Variants in TRDN observed in about 807,000 individuals in gnomAD.
TRDN encodes triadin in skeletal muscle.
In TRDN, 161 loss-of-function variants were observed where a neutral mutation model predicts 149.7. The ratio of observed to expected loss-of-function variants is 1.08; its 90% CI spans 0.95 to 1.23. TRDN has a LOEUF of 1.23. Among genes scored for constraint, TRDN ranks in the 50% most tolerant of loss-of-function variants. The pLI, the probability that TRDN is intolerant of heterozygous loss-of-function variation, is 0.00. For missense variants in TRDN, 896 were observed against 823.5 expected, an observed-to-expected ratio of 1.09 and a Z score of -1.08; for synonymous variants, 294 against 250.5, an observed-to-expected ratio of 1.17 and a Z score of -1.64.
intron 12 of TRDN, among the ~76,000 whole-genome samples, chr6:123,395,287 A>C (rs189837506): frequency 6.6e-6 from 1 of 152,134 alleles, no homozygotes; most frequent in Non-Finnish European, 1.5e-5. Context: ...TAGAGCACGG[A>C]GGTCACACAC....
At chr6:123,355,743 T>C (rs1416444748) in intron 20 of TRDN, among the ~76,000 whole-genome samples, 3 of 151,804 alleles carry the variant, frequency 2.0e-5, no homozygotes, top group Non-Finnish European at 4.4e-5. Flanking sequence ...AATCAAGTCA[T>C]CTGATTGGTG....
intron 30 of TRDN, 104 bp from the exon 31 acceptor site, chr6:123,269,970 T>C: frequency 2.7e-6 from 3 of 1,091,920 alleles, no homozygotes; most frequent in South Asian, 1.8e-5. Context: ...TTAGGTCACC[T>C]CCTTAGCTTA....
intron 38 of TRDN, among the ~76,000 whole-genome samples, chr6:123,249,361 A>G (rs1776297236): frequency 6.6e-6 from 1 of 152,146 alleles, no homozygotes; most frequent in South Asian, 2.1e-4. Context: ...TTCCTATGGA[A>G]AACATTATGG....
chr6:123,309,164 G>A (rs142930850), intron 24 of TRDN, among the ~76,000 whole-genome samples: 8 of 151,644 alleles, frequency 5.3e-5, no homozygotes, highest in Admixed American at 1.3e-4. Flanking sequence ...CCTTCTTCTC[G>A]ATTATGGCCT....
chr6:123,551,342 TACACACACACACACAC>T (rs10638140), intron 2 of TRDN, among the ~76,000 whole-genome samples: 1 of 141,102 alleles, frequency 7.1e-6, no homozygotes, highest in Non-Finnish European at 1.6e-5. Flanking sequence ...AAAACCTAAA[TACACACACACACACAC>T]ACACACACAC....
At chr6:123,334,741 A>G (rs745509166) in intron 22 of TRDN, among the ~76,000 whole-genome samples, 5 of 151,892 alleles carry the variant, frequency 3.3e-5, no homozygotes, top group Non-Finnish European at 5.9e-5. Context: ...CTAGAACTCT[A>G]TATGTCCTTA....
At chr6:123,516,243 A>G in intron 5 of TRDN, 37 bp from the exon 6 acceptor site, 1 of 1,443,352 alleles carries the variant, frequency 6.9e-7, no homozygotes, top group Non-Finnish European at 9.2e-7. Flanking sequence ...CATTTAAATA[A>G]CAGGAATAAA....
chr6:123,444,134 G>C lies in TRDN; in HGVS notation c.932-5131C>G, dbSNP rs1239801829. ...GCAGTATGGCCATTTTCATGATATT[G>C]ATTCTTCCTGCCCATGAGCATGGAA... On this transcript the variant is annotated intron_variant, in intron 10 of 40. Transcript: ENST00000334268. Among the ~76,000 whole-genome samples the C allele has an allele frequency of 6.2e-5, 9 of 144,018 alleles. 1 individual carries two copies. In the South Asian group the frequency reaches 1.7e-3, roughly 27 times the overall value. The allele number at this position is 144,018 out of a possible 152,430, so 94.5% of individuals were successfully genotyped here. A position where few individuals can be genotyped will look rare whatever the true frequency, so the allele number is the denominator to read the frequency against.
intron 12 of TRDN, among the ~76,000 whole-genome samples, chr6:123,401,189 G>A (rs1772955465): frequency 6.6e-6 from 1 of 152,144 alleles, no homozygotes; most frequent in African/African-American, 2.4e-5. Context: ...ATCTAAAGAT[G>A]TTATAATCAT....
chr6:123,519,879 TG>T, intron 5 of TRDN, among the ~76,000 whole-genome samples: 1 of 152,162 alleles, frequency 6.6e-6, no homozygotes, highest in Non-Finnish European at 1.5e-5. Context: ...TGTGCTTTTT[TG>T]TTAGGTATTA....
intron 12 of TRDN, among the ~76,000 whole-genome samples, chr6:123,426,191 C>G (rs920515850): frequency 2.0e-5 from 3 of 152,092 alleles, no homozygotes; most frequent in African/African-American, 7.2e-5. Flanking sequence ...ATTTGATGGT[C>G]AGAGCTTGTG....
At chr6:123,453,410 GA>G (rs796192379) in intron 10 of TRDN, among the ~76,000 whole-genome samples, 2 of 151,398 alleles carry the variant, frequency 1.3e-5, no homozygotes, top group African/African-American at 2.4e-5. Flanking sequence ...AAGACAGTAA[GA>G]AAAAAAACAG....
intron 12 of TRDN, among the ~76,000 whole-genome samples, chr6:123,423,006 A>G (rs1166285826): frequency 2.0e-5 from 3 of 152,162 alleles, no homozygotes; most frequent in South Asian, 2.1e-4. Flanking sequence ...TTTTCTAACT[A>G]TAATTACTAG....
At chr6:123,393,527 T>C in intron 13 of TRDN, 97 bp downstream of exon 13, 1 of 1,028,440 alleles carries the variant, frequency 9.7e-7, no homozygotes, top group Non-Finnish European at 1.4e-6. Flanking sequence ...TCCCAGCAGA[T>C]GGTGCTATTC....
chr6:123,379,926 A>G (rs1217197697), intron 16 of TRDN, among the ~76,000 whole-genome samples: 1 of 152,152 alleles, frequency 6.6e-6, no homozygotes. Flanking sequence ...ACAACCTTTA[A>G]GTTGTGATTA....
intron 9 of TRDN, among the ~76,000 whole-genome samples, chr6:123,479,258 A>G (rs1009106252): frequency 7.2e-5 from 11 of 152,082 alleles, no homozygotes; most frequent in African/African-American, 2.7e-4. Flanking sequence ...CAAAGTATTT[A>G]TTTTCTTTCT....
At chr6:123,365,517 G>GAGAAGT (rs1336580522) in intron 20 of TRDN, among the ~76,000 whole-genome samples, 1 of 152,012 alleles carries the variant, frequency 6.6e-6, no homozygotes, top group East Asian at 1.9e-4. Context: ...AGTCTTTTAG[G>GAGAAGT]AGAAGTGGTT....
intron 2 of TRDN, among the ~76,000 whole-genome samples, chr6:123,551,548 G>T (rs1781393360): frequency 6.6e-6 from 1 of 151,698 alleles, no homozygotes; most frequent in Admixed American, 6.6e-5. Context: ...TAGCTTTCAT[G>T]TTTCCCTAAG....
At chr6:123,355,969 G>T (rs1272869645) in intron 20 of TRDN, among the ~76,000 whole-genome samples, 1 of 151,628 alleles carries the variant, frequency 6.6e-6, no homozygotes, top group South Asian at 2.1e-4. Flanking sequence ...TGTTTCATTT[G>T]ACATTTTATG....
Sources: allele counts gnomAD v4.1 joint callset (sites outside exome capture counted in the v4.1 genomes callset), GRCh38; gene constraint gnomAD v4.1.1; transcripts MANE v1.5; gene names NCBI Gene and HGNC (gene_info 2026-07-23, HGNC 2026-07-21).